The following HPRT1 variants were observed in gnomAD, a reference collection of about 807,000 sequenced individuals.
HPRT1 encodes hypoxanthine-guanine phosphoribosyltransferase.
Under a neutral mutation model 19.0 loss-of-function variants are expected in HPRT1, and 4 were observed. The ratio of observed to expected loss-of-function variants is 0.21; its 90% CI spans 0.10 to 0.48. The LOEUF (loss-of-function observed/expected upper bound fraction) is 0.48, where lower values mean the gene tolerates loss of function less well. Ranked by LOEUF, HPRT1 falls within the 20% of genes least tolerant of loss-of-function variation. The pLI is 0.98. For missense variants in HPRT1, 65 were observed against 164.0 expected (o/e 0.40, Z 3.30); for synonymous variants, 53 against 54.9 (o/e 0.97, Z 0.15).
At chrX:134,476,244 G>A (rs1210751035) in intron 3 of HPRT1, among the ~76,000 whole-genome samples, 2 of 111,501 alleles carry the variant, frequency 1.8e-5, no homozygotes, top group Non-Finnish European at 1.9e-5. Context: ...CTATTTTAGT[G>A]ACCCAAGTTT....
At chrX:134,467,085 G>A (rs1358004243) in intron 1 of HPRT1, among the ~76,000 whole-genome samples, 2 of 78,500 alleles carry the variant, frequency 2.5e-5, no homozygotes, top group Non-Finnish European at 4.4e-5. Context: ...TGCTCTTGTC[G>A]CCCAGGCTGA....
At chrX:134,475,417 T>C (rs1270785983) in intron 3 of HPRT1, 53 bp downstream of exon 3, 7 of 827,551 alleles carry the variant, frequency 8.5e-6, no homozygotes, top group Middle Eastern at 5.8e-4. Context: ...GGTTTTCTTA[T>C]ATTTTCTTTG....
intron 3 of HPRT1, among the ~76,000 whole-genome samples, chrX:134,481,393 TGTAG>T (rs1473986108): frequency 9.0e-6 from 1 of 111,701 alleles, no homozygotes; most frequent in East Asian, 2.8e-4. Flanking sequence ...AATAGTTAGA[TGTAG>T]GTATACCACT....
rs1380802447 is a variant in HPRT1 at position 134,494,080 on chromosome X, T to C, written c.485+490T>C. 2.7e-5 allele frequency among the ~76,000 whole-genome samples: 3 copies of C among 112,078 alleles called. No homozygotes were observed. The East Asian group carries it at 8.4e-4, about 31-fold the overall frequency. Reference sequence around the variant, plus strand: ...TGTTTTACTTTTGCTTTTATAGTTCTACCTGTGTTTATTTCTCATTTTCGT... The same window carrying C: ...TGTTTTACTTTTGCTTTTATAGTTCCACCTGTGTTTATTTCTCATTTTCGT... On this transcript the variant is annotated intron_variant, in intron 6 of 8. Transcript: ENST00000298556.
intron 3 of HPRT1, among the ~76,000 whole-genome samples, chrX:134,483,245 C>T (rs1334808603): frequency 2.7e-5 from 3 of 111,077 alleles, no homozygotes; most frequent in African/African-American, 9.8e-5. Flanking sequence ...AGTTCTTTTC[C>T]TGCCCATTTA....
chrX:134,497,425 A>G (rs904367512), intron 6 of HPRT1, among the ~76,000 whole-genome samples: 2 of 109,968 alleles, frequency 1.8e-5, no homozygotes, highest in Admixed American at 9.7e-5. Context: ...TGAGGTTGGG[A>G]GTTCGAGACC....
At chrX:134,486,796 T>C in intron 4 of HPRT1, 1 of 270,409 alleles carries the variant, frequency 3.7e-6, no homozygotes, top group East Asian at 8.7e-5. Flanking sequence ...CAAAAAACAT[T>C]GATGGGGGAA....
intron 4 of HPRT1, chrX:134,486,773 AT>A: frequency 3.2e-6 from 1 of 311,642 alleles, no homozygotes; most frequent in Non-Finnish European, 5.8e-6. Context: ...TGGGACTCTA[AT>A]TTGGGATCCT....
rs371480320 is a variant in HPRT1, at chrX:134,486,444, G to GTTT, written c.319-9_319-7dup. 2.7e-4 allele frequency: 193 copies of GTTT among 718,359 alleles called. No homozygotes were observed. The highest frequency in any genetic ancestry group is 3.1e-4 in the Non-Finnish European group (155 of 507,774). The allele number at this position is 718,359 out of a possible 1,213,427, so 59.2% of individuals were successfully genotyped here. A position where few individuals can be genotyped will look rare whatever the true frequency, so the allele number is the denominator to read the frequency against. On this transcript the variant is annotated intron_variant, in intron 3 of 8. Transcript: ENST00000298556. The stretch of plus-strand genomic sequence containing the variant: ...GTGTGTGTAGATATATATATATATA[G>GTTT]TTTTTTTTTTTTTTAACTAGAATGA...
Position 134,469,647 on chromosome X carries a change from A to G in HPRT1, c.28-3712A>G, listed in dbSNP as rs920876699. Among the ~76,000 whole-genome samples, 9 of 111,972 alleles carry G rather than the reference A, an allele frequency of 8.0e-5. No individual in the cohort carries two copies. The Admixed American group carries it at 8.7e-4, about 11-fold the overall frequency. On this transcript the variant is annotated intron_variant, in intron 1 of 8. Coordinates refer to ENST00000298556, the MANE Select transcript of HPRT1 (RefSeq NM_000194.3). ...TAGATGCAGTAATCGTTGCAAGTGT[A>G]TATTTCAAGGAGTTCTGGCTGGGTC...
chrX:134,471,392 G>A (rs1429535469), intron 1 of HPRT1, among the ~76,000 whole-genome samples: 1 of 111,334 alleles, frequency 9.0e-6, no homozygotes, highest in African/African-American at 3.3e-5. Flanking sequence ...CCATATCAGT[G>A]TTATTAAATA....
chrX:134,470,447 A>G (rs1051471943), intron 1 of HPRT1, among the ~76,000 whole-genome samples: 6 of 112,093 alleles, frequency 5.4e-5, no homozygotes, highest in Admixed American at 1.9e-4. Flanking sequence ...TTAAATATGT[A>G]TTTTTAAATG....
rs200006231 is a variant in HPRT1 at position 134,498,241 on chromosome X, A to T, written c.486-149A>T. On this transcript the variant is annotated intron_variant, in intron 6 of 8. Transcript: ENST00000298556. ...AGTAATCCCCATAATTTAGCTCTCC[A>T]TTTCATAGTCTTTCCTTGGGTGTGT... The T allele has an allele frequency of 1.2e-4, 64 of 541,002 alleles. 1 individual carries two copies. The East Asian group carries it at 2.1e-3, about 18-fold the overall frequency. 44.6% of individuals were successfully genotyped at this position (541,002 alleles called of 1,213,427 possible). A position where few individuals can be genotyped will look rare whatever the true frequency, so the allele number is the denominator to read the frequency against.
intron 4 of HPRT1, among the ~76,000 whole-genome samples, chrX:134,488,091 G>C (rs917746646): frequency 9.1e-6 from 1 of 110,076 alleles, no homozygotes; most frequent in Non-Finnish European, 1.9e-5. Context: ...GTTATTTCTT[G>C]GTGGTAAGAT....
intron 5 of HPRT1, among the ~76,000 whole-genome samples, chrX:134,491,654 C>A (rs1449684133): frequency 9.1e-6 from 1 of 110,256 alleles, no homozygotes; most frequent in Non-Finnish European, 1.9e-5. Flanking sequence ...ATTTAAGACC[C>A]AGCTCAAACG....
chrX:134,495,912 T>C (rs2077679271), intron 6 of HPRT1, among the ~76,000 whole-genome samples: 1 of 112,450 alleles, frequency 8.9e-6, no homozygotes. Context: ...TCAAGGTTCA[T>C]CTAGGTTGGG....
At chrX:134,475,049 T>A (rs778180618) in intron 2 of HPRT1, 132 bp from the exon 3 acceptor site, 134 of 378,450 alleles carry the variant, frequency 3.5e-4, no homozygotes, top group African/African-American at 3.4e-3. Context: ...CCTGGCTAAT[T>A]TTTTTTTTTT....
At chrX:134,484,854 AAGAG>A (rs1242455143) in intron 3 of HPRT1, among the ~76,000 whole-genome samples, 4 of 111,707 alleles carry the variant, frequency 3.6e-5, no homozygotes, top group Admixed American at 2.9e-4. Flanking sequence ...AAATAAAAAA[AAGAG>A]AGACAGGGTC....
intron 3 of HPRT1, among the ~76,000 whole-genome samples, chrX:134,479,172 C>T (rs989883817): frequency 5.4e-5 from 6 of 111,712 alleles, no homozygotes; most frequent in Non-Finnish European, 9.4e-5. Context: ...TGTAGCGAGA[C>T]GCCATCTCAA....
Sources: gnomAD v4.1 joint callset for allele counts (sites outside exome capture counted in the v4.1 genomes callset) on GRCh38, gnomAD v4.1.1 for gene constraint, MANE v1.5 for transcripts, NCBI Gene and HGNC (gene_info 2026-07-23, HGNC 2026-07-21) for gene names.